Variants in NTRK2 observed in about 807,000 individuals in gnomAD.
NTRK2 encodes neurotrophic receptor tyrosine kinase 2.
A neutral mutation model predicts 94.5 loss-of-function variants in NTRK2; 13 were observed. That is an observed-to-expected ratio of 0.14 (90% CI 0.09 to 0.22). NTRK2 has a LOEUF of 0.22. NTRK2 is among the 10% of genes least tolerant of loss of function. The probability of loss-of-function intolerance (pLI) is 1.00; values close to 1 mark genes in which losing one functional copy is unlikely to be tolerated. For synonymous variants in NTRK2, 372 were observed against 407.4 expected (o/e 0.91, Z 1.05); for missense variants, 639 against 1,071.2 (o/e 0.60, Z 5.63).
chr9:84,861,110 C>G, intron 13 of NTRK2, 23 bp downstream of exon 13: 1 of 1,577,164 alleles, frequency 6.3e-7, no homozygotes, highest in Non-Finnish European at 8.7e-7. Flanking sequence ...CTCACTCCTT[C>G]TTTGGATAAG....
chr9:84,870,097 C>CTATATATATATATA (rs67434914), intron 14 of NTRK2, among the ~76,000 whole-genome samples: 7 of 99,698 alleles, frequency 7.0e-5, no homozygotes, highest in African/African-American at 2.5e-4. Flanking sequence ...TTCCCATTGA[C>CTATATATATATATA]TATATATATA....
intron 2 of NTRK2, among the ~76,000 whole-genome samples, chr9:84,683,710 T>C (rs1205938735): frequency 6.6e-6 from 1 of 152,226 alleles, no homozygotes; most frequent in Non-Finnish European, 1.5e-5. Flanking sequence ...TACCCTTTAA[T>C]GGGATTGCTG....
intron 14 of NTRK2, 111 bp from the exon 15 acceptor site, chr9:84,934,051 G>C: frequency 2.5e-6 from 3 of 1,193,444 alleles, no homozygotes; most frequent in Non-Finnish European, 3.7e-6. Flanking sequence ...ACTGTGCACA[G>C]AGGAGAGACT....
intron 14 of NTRK2, among the ~76,000 whole-genome samples, chr9:84,868,121 A>G (rs887155818): frequency 6.6e-6 from 1 of 152,190 alleles, no homozygotes; most frequent in Non-Finnish European, 1.5e-5. Flanking sequence ...AGCCTTAAAG[A>G]CAACAAAAAA....
At chr9:84,792,919 G>A (rs1056915100) in intron 12 of NTRK2, among the ~76,000 whole-genome samples, 2 of 152,104 alleles carry the variant, frequency 1.3e-5, no homozygotes, top group African/African-American at 2.4e-5. Flanking sequence ...CTGATTGGGA[G>A]GTGCTTCTCA....
intron 17 of NTRK2, among the ~76,000 whole-genome samples, chr9:84,973,991 A>G (rs1826498656): frequency 1.4e-5 from 1 of 70,930 alleles, no homozygotes; most frequent in African/African-American, 6.7e-5. Context: ...ACCCCCATGA[A>G]TCATCAGAAG....
intron 12 of NTRK2, among the ~76,000 whole-genome samples, chr9:84,804,835 A>C (rs184448990): frequency 1.3e-5 from 2 of 152,296 alleles, no homozygotes; most frequent in South Asian, 2.1e-4. Flanking sequence ...AGATTTTTCA[A>C]TATATGTTTA....
chr9:84,917,931 T>C (rs978771238), intron 14 of NTRK2, among the ~76,000 whole-genome samples: 3 of 152,102 alleles, frequency 2.0e-5, no homozygotes, highest in African/African-American at 7.2e-5. Context: ...TGTGACTTCA[T>C]TGACTGGCAA....
At position 84,713,296 on chromosome 9, in the gene NTRK2, A is replaced by G. The variant is rs372016388; in HGVS notation, c.583+2505A>G. On this transcript the variant is annotated intron_variant, in intron 6 of 18. Coordinates refer to ENST00000277120, the MANE Select transcript of NTRK2 (RefSeq NM_006180.6). ...GTTTTTTCTTAATTGTTTGAAAGTG[A>G]TAAATATTCTCTTTTTAAAAAAGTC... Among the ~76,000 whole-genome samples the G allele has an allele frequency of 2.6e-5, 4 of 152,122 alleles. No individual in the cohort carries two copies. In the South Asian group the frequency reaches 6.2e-4, roughly 24 times the overall value.
In NTRK2 at chr9:85,024,575, A is replaced by G. The variant is rs373435765; in HGVS notation, c.*3138A>G. The G allele has an allele frequency of 3.9e-5, 9 of 232,902 alleles. No individual in the cohort carries two copies. In the East Asian group the frequency reaches 5.4e-4, roughly 14 times the overall value. The allele number at this position is 232,902 out of a possible 1,614,324, so 14.4% of individuals were successfully genotyped here. A position where few individuals can be genotyped will look rare whatever the true frequency, so the allele number is the denominator to read the frequency against. ...AGCACCATTGGGACTGAATCCAAGT[A>G]CTCTCACTCTGAACTTCGTGGTTCT... On this transcript the variant is annotated 3_prime_UTR_variant, in exon 19 of 19. Transcript: ENST00000277120.
chr9:84,705,139 A>G (rs573331002), intron 4 of NTRK2, among the ~76,000 whole-genome samples: 1 of 152,088 alleles, frequency 6.6e-6, no homozygotes, highest in South Asian at 2.1e-4. Flanking sequence ...AGATCAGTCT[A>G]TTTCACTTCG....
rs1164904947 is a variant in NTRK2, at chr9:85,026,643, C to A, written c.*5206C>A. ...TCATTACCTATGACTTACAAATCTG[C>A]CTGGAGATGTGGACATTCTGCATTT... On this transcript the variant is annotated 3_prime_UTR_variant, in exon 19 of 19. Transcript: ENST00000277120. 1 of 232,880 alleles carries A rather than the reference C, an allele frequency of 4.3e-6. No homozygotes were observed. Among genetic ancestry groups the A allele is most frequent in the Non-Finnish European group, 8.5e-6 (1 of 117,874 alleles). The allele number at this position is 232,880 out of a possible 1,614,324, so 14.4% of individuals were successfully genotyped here. A position where few individuals can be genotyped will look rare whatever the true frequency, so the allele number is the denominator to read the frequency against.
intron 12 of NTRK2, among the ~76,000 whole-genome samples, chr9:84,860,498 T>C (rs2075282672): frequency 6.6e-6 from 1 of 152,162 alleles, no homozygotes; most frequent in Admixed American, 6.5e-5. Context: ...CCGTGTCTAC[T>C]CTCCCACGGG....
At chr9:84,754,796 G>A (rs1458505891) in intron 12 of NTRK2, among the ~76,000 whole-genome samples, 1 of 152,106 alleles carries the variant, frequency 6.6e-6, no homozygotes, top group African/African-American at 2.4e-5. Context: ...ATTCTCTTTT[G>A]CTGGAGGCAG....
At chr9:84,955,637 A>G (rs1224088395) in intron 17 of NTRK2, 120 bp downstream of exon 17, 2 of 849,714 alleles carry the variant, frequency 2.4e-6, no homozygotes, top group South Asian at 1.4e-5. Flanking sequence ...AACGACAGAC[A>G]TGTGTTTCTC....
chr9:84,805,959 C>T (rs1252872158), intron 12 of NTRK2, among the ~76,000 whole-genome samples: 1 of 152,210 alleles, frequency 6.6e-6, no homozygotes, highest in African/African-American at 2.4e-5. Flanking sequence ...GACTTGTCAG[C>T]CTCCATAACT....
In NTRK2 at chr9:84,814,934, C is replaced by T. The variant is rs200237087; in HGVS notation, c.1397-46106C>T. The T allele has an allele frequency of 4.5e-5, 48 of 1,059,888 alleles. No individual in the cohort carries two copies. In the South Asian group the frequency reaches 1.3e-3, roughly 29 times the overall value. The allele number at this position is 1,059,888 out of a possible 1,614,324, so 65.7% of individuals were successfully genotyped here. Reference sequence around the variant, plus strand: ...AGTGTGTTCTGCTATGTTCACATGCCTGTAGTACCTGCAAACCATGCCAGG... The same window carrying T: ...AGTGTGTTCTGCTATGTTCACATGCTTGTAGTACCTGCAAACCATGCCAGG... On this transcript the variant is annotated intron_variant, in intron 12 of 18. Transcript: ENST00000277120.
At chr9:84,874,905 A>G (rs200395092) in intron 14 of NTRK2, 23 of 1,056,504 alleles carry the variant, frequency 2.2e-5, no homozygotes, top group East Asian at 5.3e-5. Context: ...TATAGGCCCA[A>G]TGATTTTTGC....
rs532545801 is a variant in NTRK2 at position 84,750,212 on chromosome 9, C to G, written c.1297-1774C>G. Among the ~76,000 whole-genome samples the G allele has an allele frequency of 9.2e-5, 14 of 152,168 alleles. No individual in the cohort carries two copies. The South Asian group carries it at 2.9e-3, about 32-fold the overall frequency. The stretch of plus-strand genomic sequence containing the variant: ...CCACTAGGTGCTAGTAGTACTTTCC[C>G]CCTCGTTGTGACAACCCCAAATTGT... On this transcript the variant is annotated intron_variant, in intron 11 of 18. Coordinates refer to ENST00000277120, the MANE Select transcript of NTRK2 (RefSeq NM_006180.6).
Sources: allele counts gnomAD v4.1 joint callset (sites outside exome capture counted in the v4.1 genomes callset), GRCh38; gene constraint gnomAD v4.1.1; transcripts MANE v1.5; gene names NCBI Gene and HGNC (gene_info 2026-07-23, HGNC 2026-07-21).